CARHSP1: variants seen among roughly 807,000 people sequenced by gnomAD.
The protein encoded by CARHSP1 is calcium regulated heat stable protein 1.
CARHSP1 carries 14 observed loss-of-function variants against 12.5 expected under a neutral mutation model. That is an observed-to-expected ratio of 1.12 (90% CI 0.74 to 1.75). The LOEUF (loss-of-function observed/expected upper bound fraction) is 1.75, where lower values mean the gene tolerates loss of function less well. Ranked by LOEUF, CARHSP1 falls within the 40% of genes most tolerant of loss-of-function variation. CARHSP1 has a pLI of 0.00. For missense variants in CARHSP1, 343 were observed against 201.6 expected (o/e 1.70, Z -4.25); for synonymous variants, 161 against 82.0 (o/e 1.96, Z -5.20).
At chr16:8,857,145 C>T (rs1051827388) in intron 3 of CARHSP1, among the ~76,000 whole-genome samples, 18 of 152,158 alleles carry the variant, frequency 1.2e-4, no homozygotes, top group Admixed American at 2.0e-4. Context: ...CCAGCAGTCC[C>T]TGCTGCTCAC....
intron 1 of CARHSP1, among the ~76,000 whole-genome samples, chr16:8,863,235 C>A (rs1328974735): frequency 1.3e-5 from 2 of 151,594 alleles, no homozygotes; most frequent in Non-Finnish European, 2.9e-5. Flanking sequence ...GATCCGCCCA[C>A]CCCAGCCTCC....
intron 1 of CARHSP1, chr16:8,866,558 C>T (rs2061458809): frequency 1.0e-5 from 7 of 673,074 alleles, no homozygotes; most frequent in East Asian, 1.3e-4. Context: ...TCAGCTGAGC[C>T]CAGATAGAAG....
intron 2 of CARHSP1, chr16:8,858,903 ATG>A (rs1009211756): frequency 3.8e-5 from 10 of 265,018 alleles, no homozygotes; most frequent in African/African-American, 6.5e-5. Flanking sequence ...CCAGACTCTC[ATG>A]TGTGGTTAAA....
chr16:8,865,638 G>A (rs566194583), intron 1 of CARHSP1, among the ~76,000 whole-genome samples: 1 of 152,366 alleles, frequency 6.6e-6, no homozygotes, highest in South Asian at 2.1e-4. Flanking sequence ...CCCACTGCTG[G>A]CAGGTGTGGT....
intron 3 of CARHSP1, among the ~76,000 whole-genome samples, chr16:8,856,321 T>C (rs1316019355): frequency 6.6e-6 from 1 of 152,120 alleles, no homozygotes; most frequent in Non-Finnish European, 1.5e-5. Flanking sequence ...CCAGCTCCCC[T>C]AGTAACTGGT....
intron 2 of CARHSP1, 130 bp downstream of exon 2, chr16:8,859,041 G>C: frequency 4.9e-6 from 4 of 823,476 alleles, no homozygotes; most frequent in South Asian, 4.5e-5. Context: ...CTCAGCCCAC[G>C]GCCCAGCCCC....
Position 8,854,799 on chromosome 16 carries a change from G to T in CARHSP1, c.*365C>A. On this transcript the variant is annotated 3_prime_UTR_variant, in exon 4 of 4. Coordinates refer to ENST00000311052, the MANE Select transcript of CARHSP1 (RefSeq NM_014316.4). ...AATCTGGGGCCTCCAGCTCCAGGAG[G>T]AAGAGGGATTCTGTGGGTTGAGCCC... 1 of 170,568 alleles carries T rather than the reference G, an allele frequency of 5.9e-6. No homozygotes were observed. Among genetic ancestry groups the T allele is most frequent in the Non-Finnish European group, 1.2e-5 (1 of 80,176 alleles). 10.6% of individuals were successfully genotyped at this position (170,568 alleles called of 1,614,324 possible).
At chr16:8,857,109 A>G (rs2061142409) in intron 3 of CARHSP1, among the ~76,000 whole-genome samples, 1 of 152,082 alleles carries the variant, frequency 6.6e-6, no homozygotes, top group Non-Finnish European at 1.5e-5. Flanking sequence ...GTCCTTGGCC[A>G]GATATAATGG....
intron 3 of CARHSP1, among the ~76,000 whole-genome samples, chr16:8,856,005 C>G (rs2061090891): frequency 6.7e-6 from 1 of 150,090 alleles, no homozygotes. Context: ...GTCAGGGTTT[C>G]ACCATGTTAG....
At position 8,854,351 on chromosome 16, in the gene CARHSP1, CCCACCA is replaced by C. The variant is rs1026608464; in HGVS notation, c.*807_*812del. 2 of 152,104 alleles carry C rather than the reference CCCACCA, an allele frequency of 1.3e-5. No individual in the cohort carries two copies. Among genetic ancestry groups the C allele is most frequent in the Non-Finnish European group, 2.9e-5 (2 of 68,004 alleles). 9.4% of individuals were successfully genotyped at this position (152,104 alleles called of 1,614,324 possible). ...GACTGTGTCCTCTCCACAAGCCCTTCCCACCACCACCACCCCAGCCCCCCGCCGCCA... is the reference window on the plus strand; with the variant it reads ...GACTGTGTCCTCTCCACAAGCCCTTCCCACCACCCCAGCCCCCCGCCGCCA... On this transcript the variant is annotated 3_prime_UTR_variant, in exon 4 of 4. Transcript: ENST00000311052.
intron 3 of CARHSP1, among the ~76,000 whole-genome samples, chr16:8,857,271 T>TG (rs2061155392): frequency 1.1e-4 from 3 of 26,194 alleles, no homozygotes; most frequent in Non-Finnish European, 1.6e-4. Flanking sequence ...CTGTTTTTTT[T>TG]TTTTTTTTTT....
Position 8,859,256 on chromosome 16 carries a change from G to A in CARHSP1, c.73C>T (p.Arg25Trp), listed in dbSNP as rs770141066. 23 of 1,602,084 alleles carry A rather than the reference G, an allele frequency of 1.4e-5. No individual in the cohort carries two copies. Among genetic ancestry groups the A allele is most frequent in the African/African-American group, 5.5e-5 (4 of 72,106 alleles). ...GGGGATGGTGAGCGCTCACGGCTCC[G>A]AGGGGTGTCCAGCAGCCCGACTGAA... Reference protein sequence around the residue: ...QASVGLLDTPRSRERSPSPLR... With the variant: ...QASVGLLDTPWSRERSPSPLR... Residue 25 changes from arginine to tryptophan, a missense_variant, in exon 2 of 4, where the codon CGG becomes TGG. Transcript: ENST00000311052.
rs967077220 is a variant in CARHSP1 at position 8,854,081 on chromosome 16, C to T, written c.*1083G>A. 5 of 152,084 alleles carry T rather than the reference C, an allele frequency of 3.3e-5. No individual in the cohort carries two copies. The highest frequency in any genetic ancestry group is 1.2e-4 in the African/African-American group (5 of 41,404). 9.4% of individuals were successfully genotyped at this position (152,084 alleles called of 1,614,324 possible). A position where few individuals can be genotyped will look rare whatever the true frequency, so the allele number is the denominator to read the frequency against. ...CCTGGGTGACAGAATGAGACTCAGT[C>T]TCCCACCCTGCCAAAAAGTTTGCAA... On this transcript the variant is annotated 3_prime_UTR_variant, in exon 4 of 4. Coordinates refer to ENST00000311052, the MANE Select transcript of CARHSP1 (RefSeq NM_014316.4).
chr16:8,858,734 C>G (rs949494510), intron 2 of CARHSP1: 5 of 501,314 alleles, frequency 1.0e-5, no homozygotes, highest in Non-Finnish European at 1.4e-5. Context: ...TAAAACATCA[C>G]TGAACATCCC....
In CARHSP1 at chr16:8,858,453, C is replaced by T. The variant is rs780630820; in HGVS notation, c.178G>A (p.Gly60Ser). 7 of 1,613,870 alleles carry T rather than the reference C, an allele frequency of 4.3e-6. No individual in the cohort carries two copies. The highest frequency in any genetic ancestry group is 5.9e-6 in the Non-Finnish European group (7 of 1,180,020). The change falls in exon 3 of 4, where the codon GGC becomes AGC. Residue 60 changes from glycine (G) to serine (S), a missense_variant. Physicochemically the swap from Gly to Ser is moderately conservative, Grantham distance 56 (BLOSUM62 0). Transcript: ENST00000311052. The part of the protein sequence containing the change: ...TFSATVRASQ[G>S]PVYKGVCKCF... ...TTGCAGACTCCTTTGTAGACGGGGCCCTGTGAAGCCCGCACCGTCCTGACA... is the reference window on the plus strand; with the variant it reads ...TTGCAGACTCCTTTGTAGACGGGGCTCTGTGAAGCCCGCACCGTCCTGACA...
intron 2 of CARHSP1, 80 bp downstream of exon 2, chr16:8,859,091 A>G (rs1341546426): frequency 9.5e-6 from 13 of 1,365,330 alleles, no homozygotes; most frequent in South Asian, 1.5e-5. Flanking sequence ...AGGCCCAAAA[A>G]TGGCCAGAGA....
rs2061227300 is a variant in CARHSP1 at position 8,858,477 on chromosome 16, C to T, written c.159-5G>A. 4 of 1,613,184 alleles carry T rather than the reference C, an allele frequency of 2.5e-6. No individual in the cohort carries two copies. The highest frequency in any genetic ancestry group is 2.5e-6 in the Non-Finnish European group (3 of 1,179,870). Reference sequence around the variant, plus strand: ...CCCTGTGAAGCCCGCACCGTCCTGACAGAGAGGGGGAAATGTCAGGGGCCC... The same window carrying T: ...CCCTGTGAAGCCCGCACCGTCCTGATAGAGAGGGGGAAATGTCAGGGGCCC... On this transcript the variant is annotated splice_region_variant and splice_polypyrimidine_tract_variant and intron_variant, in intron 2 of 3. Transcript: ENST00000311052.
At chr16:8,858,680 AT>A in intron 2 of CARHSP1, 1 of 562,760 alleles carries the variant, frequency 1.8e-6, no homozygotes, top group South Asian at 2.6e-5. Flanking sequence ...ACCCTGGCCA[AT>A]TTTCTCGGGC....
At position 8,853,091 on chromosome 16, in the gene CARHSP1, C is replaced by T. The variant is rs1220352193; in HGVS notation, c.*2073G>A. ...TCGAGGAGTTTCCCCTTGTGTAAACCGGTATCGCGTCCCTTCCAGCTCTGA... is the reference window on the plus strand; with the variant it reads ...TCGAGGAGTTTCCCCTTGTGTAAACTGGTATCGCGTCCCTTCCAGCTCTGA... On this transcript the variant is annotated 3_prime_UTR_variant, in exon 4 of 4. Transcript: ENST00000311052. The T allele has an allele frequency of 3.3e-5, 5 of 152,134 alleles. No individual in the cohort carries two copies. The highest frequency in any genetic ancestry group is 4.8e-5 in the African/African-American group (2 of 41,404). 9.4% of individuals were successfully genotyped at this position (152,134 alleles called of 1,614,324 possible).
Sources: gnomAD v4.1 joint callset for allele counts (sites outside exome capture counted in the v4.1 genomes callset) on GRCh38, gnomAD v4.1.1 for gene constraint, MANE v1.5 for transcripts, NCBI Gene and HGNC (gene_info 2026-07-23, HGNC 2026-07-21) for gene names.